WDR31: variants seen among roughly 807,000 people sequenced by gnomAD.
The protein encoded by WDR31 is WD repeat-containing protein 31.
WDR31 carries 30 observed loss-of-function variants against 47.3 expected under a neutral mutation model. The observed-to-expected ratio is 0.63, with a 90% CI of 0.47 to 0.86. The LOEUF (loss-of-function observed/expected upper bound fraction) is 0.86. WDR31 is among the 40% of genes least tolerant of loss of function. The pLI, the probability that WDR31 is intolerant of heterozygous loss-of-function variation, is 0.00. For synonymous variants in WDR31, 137 were observed against 159.4 expected, an observed-to-expected ratio of 0.86 and a Z score of 1.06; for missense variants, 406 against 442.9, an observed-to-expected ratio of 0.92 and a Z score of 0.75.
chr9:113,320,644 G>T, intron 8 of WDR31, 146 bp from the exon 9 acceptor site: 1 of 1,006,196 alleles, frequency 9.9e-7, no homozygotes, highest in Non-Finnish European at 1.4e-6. Context: ...ACGGCAGCAT[G>T]AACCAGATCA....
At chr9:113,325,734 A>T (rs1394497745) in intron 5 of WDR31, among the ~76,000 whole-genome samples, 1 of 151,790 alleles carries the variant, frequency 6.6e-6, no homozygotes, top group African/African-American at 2.4e-5. Context: ...TATTTTATAC[A>T]TATAAATTTT....
chr9:113,320,063 G>A (rs1833290766), intron 9 of WDR31, among the ~76,000 whole-genome samples: 1 of 152,160 alleles, frequency 6.6e-6, no homozygotes, highest in African/African-American at 2.4e-5. Context: ...TGGACTACAG[G>A]CACATGCCAC....
intron 7 of WDR31, 31 bp from the exon 8 acceptor site, chr9:113,321,609 C>T: frequency 6.3e-7 from 1 of 1,595,282 alleles, no homozygotes; most frequent in Non-Finnish European, 8.6e-7. Flanking sequence ...AGAACTTCTC[C>T]ACACCAAGTC....
Position 113,328,986 on chromosome 9 carries a change from C to T in WDR31, c.250-31G>A, listed in dbSNP as rs764085062. ...GAGAGTGAAGATTGTAGTTTCATTA[C>T]TCAATTCTTGTTAAAGTGACACTAG... On this transcript the variant is annotated intron_variant, in intron 4 of 10. Coordinates refer to ENST00000374193, the MANE Select transcript of WDR31 (RefSeq NM_001012361.4). 7 of 1,587,144 alleles carry T rather than the reference C, an allele frequency of 4.4e-6. No homozygotes were observed. The South Asian group carries it at 6.6e-5, about 15-fold the overall frequency.
chr9:113,319,321 G>A (rs925673231), intron 9 of WDR31, among the ~76,000 whole-genome samples: 1 of 152,194 alleles, frequency 6.6e-6, no homozygotes, highest in Admixed American at 6.5e-5. Context: ...AGCTGTAGGA[G>A]CTGGAAATGT....
In WDR31 at chr9:113,333,211, G is replaced by A. The variant is rs1009035725; in HGVS notation, c.-28-1161C>T. Among the ~76,000 whole-genome samples, 8 of 151,964 alleles carry A rather than the reference G, an allele frequency of 5.3e-5. No individual in the cohort carries two copies. The South Asian group carries it at 6.3e-4, about 12-fold the overall frequency. ...ACAACAATGTCTCTATATACTAAAT[G>A]TCACTAATCATAAATTTTATGTTAT... On this transcript the variant is annotated intron_variant, in intron 2 of 10. Coordinates refer to ENST00000374193, the MANE Select transcript of WDR31 (RefSeq NM_001012361.4).
In WDR31 at chr9:113,313,257, C is replaced by T. The variant is rs1276969616; in HGVS notation, c.*3492G>A. 2 of 152,204 alleles carry T rather than the reference C, an allele frequency of 1.3e-5. No homozygotes were observed. The highest frequency in any genetic ancestry group is 4.8e-5 in the African/African-American group (2 of 41,456). The allele number at this position is 152,204 out of a possible 1,614,324, so 9.4% of individuals were successfully genotyped here. On this transcript the variant is annotated 3_prime_UTR_variant, in exon 11 of 11. Transcript: ENST00000374193. ...GGAAACAATTTTATTGGTAACAGAA[C>T]CCTACTAACTCATCAGAGCCCCACT... is the stretch of plus-strand genomic sequence containing the variant.
At chr9:113,325,904 C>T (rs1028666589) in intron 5 of WDR31, among the ~76,000 whole-genome samples, 2 of 151,668 alleles carry the variant, frequency 1.3e-5, no homozygotes, top group East Asian at 1.9e-4. Flanking sequence ...CATTCACATT[C>T]TTTATTTTTT....
intron 7 of WDR31, 82 bp from the exon 8 acceptor site, chr9:113,321,660 T>C (rs1286009813): frequency 7.7e-7 from 1 of 1,296,656 alleles, no homozygotes; most frequent in Admixed American, 2.0e-5. Context: ...CTAACTAGCA[T>C]CACTGTGCCT....
At chr9:113,319,236 G>A (rs1481006846) in intron 9 of WDR31, among the ~76,000 whole-genome samples, 2 of 152,212 alleles carry the variant, frequency 1.3e-5, no homozygotes, top group Non-Finnish European at 2.9e-5. Flanking sequence ...GGAGAATAAT[G>A]TTCAGGGAGG....
chr9:113,322,175 T>C (rs1833338795), intron 7 of WDR31, among the ~76,000 whole-genome samples: 1 of 151,600 alleles, frequency 6.6e-6, no homozygotes, highest in African/African-American at 2.4e-5. Context: ...TCACATCTAG[T>C]ATCTGAATTC....
At chr9:113,327,718 G>T (rs751272689) in intron 5 of WDR31, among the ~76,000 whole-genome samples, 1 of 152,040 alleles carries the variant, frequency 6.6e-6, no homozygotes, top group Non-Finnish European at 1.5e-5. Flanking sequence ...TAAACTCCCG[G>T]CCTCGGGCGA....
At chr9:113,338,600 C>T (rs1399383737) in intron 1 of WDR31, among the ~76,000 whole-genome samples, 2 of 150,032 alleles carry the variant, frequency 1.3e-5, no homozygotes, top group African/African-American at 4.9e-5. Context: ...GATGAAGAGT[C>T]GGCTTGGTGG....
In WDR31 at chr9:113,313,578, G is replaced by T. The variant is rs1448874693; in HGVS notation, c.*3171C>A. On this transcript the variant is annotated 3_prime_UTR_variant, in exon 11 of 11. Transcript: ENST00000374193. ...TGACACGATGCAAAGGAAAGCGTTTGGGCTTTGAGTCAGGCAGACCCAGAT... is the reference window on the plus strand; with the variant it reads ...TGACACGATGCAAAGGAAAGCGTTTTGGCTTTGAGTCAGGCAGACCCAGAT... The T allele has an allele frequency of 6.6e-6, 1 of 152,214 alleles. No individual in the cohort carries two copies. The highest frequency in any genetic ancestry group is 1.5e-5 in the Non-Finnish European group (1 of 68,058). 9.4% of individuals were successfully genotyped at this position (152,214 alleles called of 1,614,324 possible). A position where few individuals can be genotyped will look rare whatever the true frequency, so the allele number is the denominator to read the frequency against.
intron 2 of WDR31, among the ~76,000 whole-genome samples, chr9:113,335,808 G>A (rs1240464109): frequency 1.3e-5 from 2 of 152,140 alleles, no homozygotes; most frequent in African/African-American, 4.8e-5. Context: ...AGCCTCCCCA[G>A]CTAGAAAATT....
intron 1 of WDR31, among the ~76,000 whole-genome samples, chr9:113,337,623 G>A (rs1473705089): frequency 6.6e-6 from 1 of 151,954 alleles, no homozygotes; most frequent in Non-Finnish European, 1.5e-5. Context: ...GTGCCTCCAT[G>A]CCCAGCTAAG....
In WDR31 at chr9:113,315,720, G is replaced by A. The variant is rs1833177948; in HGVS notation, c.*1029C>T. 1 of 150,820 alleles carries A rather than the reference G, an allele frequency of 6.6e-6. No individual in the cohort carries two copies. The allele number at this position is 150,820 out of a possible 1,614,324, so 9.3% of individuals were successfully genotyped here. On this transcript the variant is annotated 3_prime_UTR_variant, in exon 11 of 11. Transcript: ENST00000374193. ...CTCATTCTGTCACACAGACTGGAGTGCAGTGGCACAATCTCAGCTCACTGC... is the reference window on the plus strand; with the variant it reads ...CTCATTCTGTCACACAGACTGGAGTACAGTGGCACAATCTCAGCTCACTGC...
chr9:113,331,636 G>C (rs1833598220), intron 3 of WDR31, among the ~76,000 whole-genome samples: 1 of 152,130 alleles, frequency 6.6e-6, no homozygotes, highest in South Asian at 2.1e-4. Context: ...TTGTAGAGAT[G>C]GGGTTTCGCC....
At chr9:113,327,419 G>GCACACA (rs35798479) in intron 5 of WDR31, among the ~76,000 whole-genome samples, 4,889 of 148,912 alleles carry the variant, frequency 0.033, 185 homozygotes, top group African/African-American at 0.089. Flanking sequence ...AGTGTTACAT[G>GCACACA]CACACACACA....
Sources: allele counts gnomAD v4.1 joint callset (sites outside exome capture counted in the v4.1 genomes callset), GRCh38; gene constraint gnomAD v4.1.1; transcripts MANE v1.5; gene names NCBI Gene and HGNC (gene_info 2026-07-23, HGNC 2026-07-21).